Variants in TBL1XR1 observed in about 807,000 individuals in gnomAD.
The protein encoded by TBL1XR1 is TBL1X/Y related 1.
TBL1XR1 carries 5 observed loss-of-function variants against 66.9 expected under a neutral mutation model. The ratio of observed to expected loss-of-function variants is 0.07; its 90% confidence interval spans 0.04 to 0.16. The LOEUF (loss-of-function observed/expected upper bound fraction) is 0.16, where lower values mean the gene tolerates loss of function less well. TBL1XR1 is among the 10% of genes least tolerant of loss of function. TBL1XR1 has a pLI of 1.00. For synonymous variants in TBL1XR1, 210 were observed against 206.0 expected, an observed-to-expected ratio of 1.02 and a Z score of -0.17; for missense variants, 238 against 623.2, an observed-to-expected ratio of 0.38 and a Z score of 6.58.
chr3:177,067,113 G>T (rs1342466677), intron 2 of TBL1XR1, among the ~76,000 whole-genome samples: 2 of 152,140 alleles, frequency 1.3e-5, no homozygotes, highest in African/African-American at 4.8e-5. Context: ...GTGCGGTATT[G>T]TGCTCGGCAC....
intron 1 of TBL1XR1, among the ~76,000 whole-genome samples, chr3:177,127,976 T>C (rs181915432): frequency 7.6e-4 from 116 of 152,252 alleles, no homozygotes; most frequent in African/African-American, 2.6e-3. Context: ...CCCAGCACTT[T>C]GGGAGTCCGA....
At chr3:177,040,988 AAATT>A (rs1446103388) in intron 10 of TBL1XR1, 1 of 152,186 alleles carries the variant, frequency 6.6e-6, no homozygotes, top group Non-Finnish European at 1.5e-5. Context: ...GTGCCATATA[AAATT>A]ATTAACATAA....
Position 177,184,968 on chromosome 3 carries a change from G to GA in TBL1XR1, c.-122+12152dup, listed in dbSNP as rs565062404. ...AGTTACAGCTCTTTAAGAACTGACTGAAAAGCACAGGAGAAATTAACATCA... is the reference window on the plus strand; with the variant it reads ...AGTTACAGCTCTTTAAGAACTGACTGAAAAAGCACAGGAGAAATTAACATCA... On this transcript the variant is annotated intron_variant, in intron 1 of 15. Transcript: ENST00000457928. Among the ~76,000 whole-genome samples the GA allele has an allele frequency of 8.5e-5, 13 of 152,276 alleles. No individual in the cohort carries two copies. The South Asian group carries it at 2.7e-3, about 32-fold the overall frequency.
chr3:177,058,607 T>C (rs1030664405), intron 3 of TBL1XR1, among the ~76,000 whole-genome samples: 3 of 152,226 alleles, frequency 2.0e-5, no homozygotes, highest in African/African-American at 7.2e-5. Context: ...CCATGTACAA[T>C]GTGTGTTGTT....
chr3:177,055,239 A>G (rs1049059663), intron 3 of TBL1XR1, among the ~76,000 whole-genome samples: 5 of 152,054 alleles, frequency 3.3e-5, no homozygotes, highest in Admixed American at 3.3e-4. Context: ...TGGTACTTAT[A>G]AACAGTCTAG....
intron 10 of TBL1XR1, among the ~76,000 whole-genome samples, chr3:177,044,705 G>C (rs1375377686): frequency 6.6e-6 from 1 of 152,104 alleles, no homozygotes; most frequent in Non-Finnish European, 1.5e-5. Context: ...AGTATGGTAA[G>C]AAAGAATACG....
chr3:177,081,154 A>T (rs1721339928), intron 2 of TBL1XR1, among the ~76,000 whole-genome samples: 1 of 152,238 alleles, frequency 6.6e-6, no homozygotes, highest in African/African-American at 2.4e-5. Flanking sequence ...CCTTGGCAAT[A>T]CATAGTATCT....
chr3:177,109,567 T>C (rs987251808), intron 1 of TBL1XR1, among the ~76,000 whole-genome samples: 1 of 152,064 alleles, frequency 6.6e-6, no homozygotes, highest in Non-Finnish European at 1.5e-5. Context: ...ATTGTTAACA[T>C]TAAAAGTTAG....
At position 177,135,372 on chromosome 3, in the gene TBL1XR1, T is replaced by C. The variant is rs1188085872; in HGVS notation, c.-121-36831A>G. Among the ~76,000 whole-genome samples the C allele has an allele frequency of 1.6e-4, 5 of 31,586 alleles. 1 individual carries two copies. The highest frequency in any genetic ancestry group is 2.6e-4 in the Non-Finnish European group (5 of 19,260). The allele number at this position is 31,586 out of a possible 152,430, so 20.7% of individuals were successfully genotyped here. On this transcript the variant is annotated intron_variant, in intron 1 of 15. Transcript: ENST00000457928. ...ATATATATATATATATATATATATA[T>C]ATATATATATGTATGTATTTTTTTT... is the stretch of plus-strand genomic sequence containing the variant.
intron 1 of TBL1XR1, among the ~76,000 whole-genome samples, chr3:177,148,899 G>A (rs1406652673): frequency 3.3e-5 from 5 of 151,730 alleles, no homozygotes; most frequent in African/African-American, 9.7e-5. Context: ...AGCTACTCGG[G>A]AGGCTAAGGC....
chr3:177,129,107 G>A (rs12634623), intron 1 of TBL1XR1, among the ~76,000 whole-genome samples: 1 of 151,952 alleles, frequency 6.6e-6, no homozygotes, highest in Non-Finnish European at 1.5e-5. Flanking sequence ...AAAGACAGTA[G>A]GCCCACAGGA....
At chr3:177,161,665 T>C (rs937214762) in intron 1 of TBL1XR1, among the ~76,000 whole-genome samples, 2 of 151,746 alleles carry the variant, frequency 1.3e-5, no homozygotes, top group South Asian at 4.1e-4. Context: ...ATGCCTATAA[T>C]CCCAGCTACT....
At chr3:177,093,485 A>G (rs748940970) in intron 2 of TBL1XR1, among the ~76,000 whole-genome samples, 1 of 152,160 alleles carries the variant, frequency 6.6e-6, no homozygotes, top group Non-Finnish European at 1.5e-5. Flanking sequence ...CTAAATTTCT[A>G]TGGTATCAAA....
upstream of TBL1XR1, among the ~76,000 whole-genome samples, chr3:177,197,679 C>T (rs1365904973): frequency 7.8e-6 from 1 of 127,884 alleles, no homozygotes; most frequent in African/African-American, 2.8e-5. Flanking sequence ...GGGAGGGGCG[C>T]CGCGGACGCC....
At chr3:177,034,082 G>GGA in intron 13 of TBL1XR1, 116 bp downstream of exon 13, 4 of 926,646 alleles carry the variant, frequency 4.3e-6, no homozygotes, top group South Asian at 1.8e-5. Flanking sequence ...ACTGAAATTG[G>GGA]AAAAAAAAAA....
chr3:177,162,714 T>C (rs1732370712), intron 1 of TBL1XR1, among the ~76,000 whole-genome samples: 1 of 152,184 alleles, frequency 6.6e-6, no homozygotes, highest in Non-Finnish European at 1.5e-5. Flanking sequence ...CATCTACAAG[T>C]GTATACTTTG....
intron 2 of TBL1XR1, among the ~76,000 whole-genome samples, chr3:177,094,966 C>A (rs1259491614): frequency 1.3e-5 from 2 of 150,446 alleles, no homozygotes; most frequent in Non-Finnish European, 3.0e-5. Context: ...CAAAAACCGA[C>A]TGAAATAAAA....
chr3:177,028,339 A>G (rs1253984973), intron 14 of TBL1XR1, among the ~76,000 whole-genome samples: 1 of 152,264 alleles, frequency 6.6e-6, no homozygotes, highest in Non-Finnish European at 1.5e-5. Flanking sequence ...AAACAAAATA[A>G]TATGAACAGT....
intron 2 of TBL1XR1, among the ~76,000 whole-genome samples, chr3:177,071,031 G>GTTTGTTTT (rs1719914768): frequency 9.5e-6 from 1 of 104,716 alleles, no homozygotes; most frequent in African/African-American, 3.9e-5. Context: ...CTGAGAATCT[G>GTTTGTTTT]TTTTTTTTTT....
Sources: allele counts gnomAD v4.1 joint callset (sites outside exome capture counted in the v4.1 genomes callset), GRCh38; gene constraint gnomAD v4.1.1; transcripts MANE v1.5; gene names NCBI Gene and HGNC (gene_info 2026-07-23, HGNC 2026-07-21).